The following CC2D2A variants were observed in gnomAD, a reference collection of about 807,000 sequenced individuals.
The protein encoded by CC2D2A is coiled-coil and C2 domain-containing protein 2A.
A neutral mutation model predicts 212.9 loss-of-function variants in CC2D2A; 155 were observed. The observed-to-expected ratio is 0.73, with a 90% confidence interval of 0.64 to 0.83. CC2D2A has a LOEUF of 0.83. Ranked by LOEUF, CC2D2A falls within the 40% of genes least tolerant of loss-of-function variation. CC2D2A has a pLI of 0.00. For missense variants in CC2D2A, 1,856 were observed against 1,956.2 expected (o/e 0.95, Z 0.97); for synonymous variants, 667 against 686.5 (o/e 0.97, Z 0.44).
intron 4 of CC2D2A, among the ~76,000 whole-genome samples, chr4:15,487,850 A>G (rs1054867942): frequency 1.3e-5 from 2 of 150,180 alleles, no homozygotes; most frequent in African/African-American, 2.5e-5. Flanking sequence ...AAGCTTGCAA[A>G]TAACATCTTA....
In CC2D2A at chr4:15,511,347, A is replaced by G. The variant is rs972414579; in HGVS notation, c.641A>G (p.His214Arg). 6.3e-7 allele frequency: 1 copy of G among 1,590,316 alleles called. No homozygotes were observed. The highest frequency in any genetic ancestry group is 8.5e-7 in the Non-Finnish European group (1 of 1,171,076). Residue 214 changes from histidine to arginine, a missense_variant, in exon 8 of 37, where the codon CAT becomes CGT. His to Arg is a conservative substitution (Grantham distance 29). Transcript: ENST00000424120. ...EGSEEKPKAR[H>R]RAGTNQEEEE... The stretch of plus-strand genomic sequence containing the variant: ...TCAGAGGAAAAACCAAAAGCAAGAC[A>G]TAGAGCGGGAACTAATCAAGAGGAG...
intron 1 of CC2D2A, among the ~76,000 whole-genome samples, chr4:15,474,705 T>A (rs1297058143): frequency 1.3e-5 from 2 of 152,194 alleles, no homozygotes; most frequent in Non-Finnish European, 2.9e-5. Context: ...ATGTACCCCA[T>A]AAATATATAC....
chr4:15,599,756 T>C lies in CC2D2A; in HGVS notation c.4674+50T>C, dbSNP rs201660812. Reference sequence around the variant, plus strand: ...TGACTGTGGATTTCCTTGTTTCAAATTGGAAATTAGCCAATAATAGGTTTC... The same window carrying C: ...TGACTGTGGATTTCCTTGTTTCAAACTGGAAATTAGCCAATAATAGGTTTC... On this transcript the variant is annotated intron_variant, in intron 36 of 36. Coordinates refer to ENST00000424120, the MANE Select transcript of CC2D2A (RefSeq NM_001378615.1). 90 of 1,416,142 alleles carry C rather than the reference T, an allele frequency of 6.4e-5. 1 individual carries two copies. Among genetic ancestry groups the C allele is most frequent in the Non-Finnish European group, 7.7e-5 (81 of 1,045,934 alleles). The allele number at this position is 1,416,142 out of a possible 1,614,324, so 87.7% of individuals were successfully genotyped here.
At chr4:15,503,068 G>T in intron 6 of CC2D2A, 145 bp downstream of exon 6, 1 of 541,698 alleles carries the variant, frequency 1.8e-6, no homozygotes, top group Non-Finnish European at 3.1e-6. Context: ...AGACTGAGGT[G>T]GGAGGATCGC....
intron 2 of CC2D2A, 32 bp downstream of exon 2, chr4:15,476,003 G>A: frequency 2.6e-6 from 4 of 1,566,794 alleles, no homozygotes; most frequent in Non-Finnish European, 3.5e-6. Context: ...CTCTAGGGAT[G>A]TGTTTGTGTG....
intron 16 of CC2D2A, among the ~76,000 whole-genome samples, chr4:15,540,274 A>C (rs909367313): frequency 1.3e-5 from 2 of 151,702 alleles, no homozygotes; most frequent in African/African-American, 4.8e-5. Flanking sequence ...AAAATTAAAG[A>C]CCAATGGGAG....
chr4:15,549,841 G>T (rs550041789), intron 17 of CC2D2A, among the ~76,000 whole-genome samples: 1 of 152,170 alleles, frequency 6.6e-6, no homozygotes, highest in African/African-American at 2.4e-5. Context: ...TGTAAGGGAG[G>T]GTTGGCGGAA....
chr4:15,500,107 GTA>G (rs55743422), intron 4 of CC2D2A, among the ~76,000 whole-genome samples: 55,344 of 112,974 alleles, frequency 0.49, 14,198 homozygotes, highest in Middle Eastern at 0.64. Context: ...GTGTGTGTGT[GTA>G]TATATATATA....
At chr4:15,579,098 A>C (rs1720539768) in intron 29 of CC2D2A, among the ~76,000 whole-genome samples, 1 of 151,968 alleles carries the variant, frequency 6.6e-6, no homozygotes, top group African/African-American at 2.4e-5. Flanking sequence ...TTAGTGGGGG[A>C]AATGACAATA....
At position 15,570,400 on chromosome 4, in the gene CC2D2A, T is replaced by C; in HGVS notation, c.3498T>C (p.Asp1166=). ...ATTACTTCCCACCCTTCCTTTAGGA[T>C]GACCGTGAAAGAGGAAGTGGAATCC... ...FDEVLHDVLE[D]DRERGSGIHT... The change falls in exon 28 of 37, where the codon GAT becomes GAC. Residue 1166 remains aspartate (D), a splice_region_variant and synonymous_variant. Transcript: ENST00000424120. 3 of 1,589,456 alleles carry C rather than the reference T, an allele frequency of 1.9e-6. No individual in the cohort carries two copies. The highest frequency in any genetic ancestry group is 2.6e-6 in the Non-Finnish European group (3 of 1,162,494).
intron 33 of CC2D2A, among the ~76,000 whole-genome samples, chr4:15,591,162 AT>A (rs1407679112): frequency 6.6e-6 from 1 of 150,420 alleles, no homozygotes; most frequent in African/African-American, 2.5e-5. Flanking sequence ...CATGAAATCT[AT>A]TTTTTTTCTT....
rs1721598159 is a variant in CC2D2A at position 15,601,463 on chromosome 4, C to T, written c.*38C>T. ...TACTTTCTGTATCATGTAAAAACTA[C>T]ACTTAGGATATGAGAAAATTTTAAA... On this transcript the variant is annotated 3_prime_UTR_variant, in exon 37 of 37. Coordinates refer to ENST00000424120, the MANE Select transcript of CC2D2A (RefSeq NM_001378615.1). 1.5e-6 allele frequency: 2 copies of T among 1,294,694 alleles called. No homozygotes were observed. Among genetic ancestry groups the T allele is most frequent in the South Asian group, 2.0e-5 (1 of 51,162 alleles). The allele number at this position is 1,294,694 out of a possible 1,614,324, so 80.2% of individuals were successfully genotyped here. A position where few individuals can be genotyped will look rare whatever the true frequency, so the allele number is the denominator to read the frequency against.
intron 14 of CC2D2A, among the ~76,000 whole-genome samples, chr4:15,535,478 T>G (rs1175549550): frequency 6.6e-6 from 1 of 152,144 alleles, no homozygotes; most frequent in Non-Finnish European, 1.5e-5. Context: ...TACCCTTTTT[T>G]CACATTCTTG....
At chr4:15,541,439 T>C (rs1265104458) in intron 17 of CC2D2A, among the ~76,000 whole-genome samples, 1 of 151,950 alleles carries the variant, frequency 6.6e-6, no homozygotes, top group African/African-American at 2.4e-5. Context: ...CTCGATAGAG[T>C]CTCAAGCCTC....
At chr4:15,481,150 G>T (rs150845067) in intron 4 of CC2D2A, 158 of 464,190 alleles carry the variant, frequency 3.4e-4, no homozygotes, top group African/African-American at 2.9e-3. Context: ...GAATTGGTTG[G>T]TGTTGTCCTC....
At chr4:15,573,708 G>A (rs942929964) in intron 28 of CC2D2A, among the ~76,000 whole-genome samples, 9 of 152,178 alleles carry the variant, frequency 5.9e-5, no homozygotes, top group Non-Finnish European at 1.0e-4. Context: ...CTAGAAATGG[G>A]GAATGGCCAG....
At chr4:15,527,412 A>C (rs1401432630) in intron 11 of CC2D2A, 35 bp from the exon 12 acceptor site, 2 of 1,517,130 alleles carry the variant, frequency 1.3e-6, no homozygotes, top group Non-Finnish European at 1.8e-6. Flanking sequence ...AAGTGCTTTA[A>C]CTGTGTTCTG....
chr4:15,543,022 G>A (rs1239611143), intron 17 of CC2D2A, among the ~76,000 whole-genome samples: 1 of 152,166 alleles, frequency 6.6e-6, no homozygotes, highest in African/African-American at 2.4e-5. Context: ...GAAAGGGCCG[G>A]CACTGGGCAC....
intron 15 of CC2D2A, among the ~76,000 whole-genome samples, chr4:15,537,565 A>G (rs1189653141): frequency 6.6e-6 from 1 of 152,182 alleles, no homozygotes; most frequent in Non-Finnish European, 1.5e-5. Flanking sequence ...ATATTTCAAG[A>G]TGTGTACTTC....
Sources: gnomAD v4.1 joint callset for allele counts (sites outside exome capture counted in the v4.1 genomes callset) on GRCh38, gnomAD v4.1.1 for gene constraint, MANE v1.5 for transcripts, NCBI Gene and HGNC (gene_info 2026-07-23, HGNC 2026-07-21) for gene names.